The following SSBP3 variants were observed in gnomAD, a reference collection of about 807,000 sequenced individuals.
SSBP3 encodes the protein single-stranded DNA-binding protein 3.
In SSBP3, 5 loss-of-function variants were observed where a neutral mutation model predicts 69.6. The ratio of observed to expected loss-of-function variants is 0.07; its 90% confidence interval spans 0.04 to 0.15. The LOEUF (loss-of-function observed/expected upper bound fraction) is 0.15, where lower values mean the gene tolerates loss of function less well. Among genes scored for constraint, SSBP3 ranks in the 10% least tolerant of loss-of-function variants. The pLI is 1.00. For synonymous variants in SSBP3, 196 were observed against 193.4 expected, an observed-to-expected ratio of 1.01 and a Z score of -0.11; for missense variants, 312 against 534.0, an observed-to-expected ratio of 0.58 and a Z score of 4.10.
chr1:54,263,842 G>A (rs1027435754), intron 5 of SSBP3, among the ~76,000 whole-genome samples: 4 of 152,186 alleles, frequency 2.6e-5, no homozygotes, highest in Non-Finnish European at 5.9e-5. Flanking sequence ...GACCCAGCAA[G>A]CCCCGGGGCA....
At chr1:54,305,092 C>T (rs563925472) in intron 4 of SSBP3, among the ~76,000 whole-genome samples, 8 of 152,276 alleles carry the variant, frequency 5.3e-5, no homozygotes, top group South Asian at 2.1e-4. Flanking sequence ...TGGCGGGAGG[C>T]GTGGCGTGGG....
intron 4 of SSBP3, among the ~76,000 whole-genome samples, chr1:54,350,529 C>A (rs1036982032): frequency 6.6e-6 from 1 of 152,214 alleles, no homozygotes; most frequent in Non-Finnish European, 1.5e-5. Flanking sequence ...GAGATTTATA[C>A]GCGTATGGCC....
chr1:54,252,534 TAGGAGAGGGACAGGTGGCCAC>T (rs1557462984), intron 7 of SSBP3, among the ~76,000 whole-genome samples: 1 of 26,538 alleles, frequency 3.8e-5, no homozygotes, highest in Non-Finnish European at 7.7e-5. Flanking sequence ...AGGTGGCCAC[TAGGAGAGGGACAGGTGGCCAC>T]TAGGAGAGGG....
intron 5 of SSBP3, among the ~76,000 whole-genome samples, chr1:54,262,054 T>C (rs2100770799): frequency 6.6e-6 from 1 of 152,286 alleles, no homozygotes; most frequent in East Asian, 1.9e-4. Context: ...ACATTCCCAT[T>C]TGCATCTCTT....
At chr1:54,349,285 T>G (rs1325401679) in intron 4 of SSBP3, among the ~76,000 whole-genome samples, 1 of 152,228 alleles carries the variant, frequency 6.6e-6, no homozygotes, top group East Asian at 1.9e-4. Flanking sequence ...GGCAGGGATA[T>G]TCCTCTGCTG....
intron 4 of SSBP3, among the ~76,000 whole-genome samples, chr1:54,354,971 A>C (rs1190470053): frequency 6.6e-6 from 1 of 152,228 alleles, no homozygotes; most frequent in East Asian, 1.9e-4. Flanking sequence ...ATGCCTTTCC[A>C]AGGCCAGAAG....
At chr1:54,404,915 G>C (rs146457984) in exon 2 of SSBP3, 678 of 1,612,718 alleles carry the variant, frequency 4.2e-4, no homozygotes, top group Admixed American at 5.3e-4. Context: ...AATATTCGTA[G>C]ACGTATAAAG....
intron 5 of SSBP3, among the ~76,000 whole-genome samples, chr1:54,261,257 G>A (rs951137952): frequency 6.6e-6 from 1 of 152,224 alleles, no homozygotes; most frequent in Admixed American, 6.5e-5. Context: ...ATCTCTATGA[G>A]GAGTCAGGGG....
At chr1:54,358,034 C>T (rs1378307718) in intron 4 of SSBP3, among the ~76,000 whole-genome samples, 4 of 152,204 alleles carry the variant, frequency 2.6e-5, no homozygotes, top group Non-Finnish European at 4.4e-5. Context: ...GCTGAGACAG[C>T]ACCTCAATAG....
At chr1:54,270,964 C>T (rs1645181820) in intron 5 of SSBP3, among the ~76,000 whole-genome samples, 1 of 152,182 alleles carries the variant, frequency 6.6e-6, no homozygotes, top group Non-Finnish European at 1.5e-5. Flanking sequence ...AGGGATGGGA[C>T]CCAGCACCTC....
intron 4 of SSBP3, among the ~76,000 whole-genome samples, chr1:54,384,989 T>C (rs1647969815): frequency 6.6e-6 from 1 of 152,198 alleles, no homozygotes; most frequent in African/African-American, 2.4e-5. Flanking sequence ...CCCAGCTGCC[T>C]GTCCACGTCT....
At chr1:54,263,588 T>G (rs1645051785) in intron 5 of SSBP3, among the ~76,000 whole-genome samples, 1 of 152,244 alleles carries the variant, frequency 6.6e-6, no homozygotes, top group Non-Finnish European at 1.5e-5. Flanking sequence ...AAGCAGGAGC[T>G]TGACGTCTGG....
intron 4 of SSBP3, among the ~76,000 whole-genome samples, chr1:54,370,355 C>T (rs1569963979): frequency 6.6e-6 from 1 of 152,170 alleles, no homozygotes; most frequent in South Asian, 2.1e-4. Context: ...CGATGCTATT[C>T]GATTGATAAT....
At chr1:54,274,872 C>T (rs1313071127) in intron 5 of SSBP3, among the ~76,000 whole-genome samples, 1 of 152,110 alleles carries the variant, frequency 6.6e-6, no homozygotes, top group Non-Finnish European at 1.5e-5. Flanking sequence ...GCCCCTGCCA[C>T]CCCAAACTTG....
chr1:54,362,767 G>A (rs982057169), intron 4 of SSBP3, among the ~76,000 whole-genome samples: 3 of 152,164 alleles, frequency 2.0e-5, no homozygotes, highest in Admixed American at 1.3e-4. Flanking sequence ...CTAAACATTT[G>A]TCTGAGCATC....
At chr1:54,407,445 A>G (rs896590124), upstream of SSBP3, among the ~76,000 whole-genome samples, 32 of 150,102 alleles carry the variant, frequency 2.1e-4, no homozygotes, top group African/African-American at 7.4e-4. Flanking sequence ...ACAATGGGAA[A>G]TTGAGGGGGG....
At chr1:54,261,237 T>C (rs1479712940) in intron 5 of SSBP3, among the ~76,000 whole-genome samples, 1 of 152,258 alleles carries the variant, frequency 6.6e-6, no homozygotes, top group African/African-American at 2.4e-5. Context: ...ACATGACAGA[T>C]GAGCTGCCCA....
chr1:54,308,350 C>T (rs531916336), intron 4 of SSBP3, among the ~76,000 whole-genome samples: 2 of 150,006 alleles, frequency 1.3e-5, no homozygotes, highest in South Asian at 2.1e-4. Context: ...GCCTGTAATC[C>T]CAGCACTTTG....
intron 14 of SSBP3, among the ~76,000 whole-genome samples, chr1:54,234,365 T>A (rs1425718358): frequency 8.5e-5 from 12 of 141,882 alleles, no homozygotes; most frequent in African/African-American, 2.1e-4. Flanking sequence ...TTAAAAAAAA[T>A]AAATAAAAAT....
Sources: allele counts gnomAD v4.1 joint callset (sites outside exome capture counted in the v4.1 genomes callset), GRCh38; gene constraint gnomAD v4.1.1; transcripts MANE v1.5; gene names NCBI Gene and HGNC (gene_info 2026-07-23, HGNC 2026-07-21).